Variants in PEX7 observed in about 807,000 individuals in gnomAD.
PEX7 encodes the protein peroxisomal biogenesis factor 7, also known as PTS2 receptor.
In PEX7, 34 loss-of-function variants were observed where a neutral mutation model predicts 47.5. The observed-to-expected ratio is 0.72, with a 90% CI of 0.54 to 0.95. PEX7 has a LOEUF of 0.95. PEX7 is among the 40% of genes least tolerant of loss of function. The pLI is 0.00. For synonymous variants in PEX7, 141 were observed against 148.8 expected, an observed-to-expected ratio of 0.95 and a Z score of 0.38; for missense variants, 394 against 400.3, an observed-to-expected ratio of 0.98 and a Z score of 0.13.
At chr6:136,824,404 C>T (rs974302714) in intron 1 of PEX7, among the ~76,000 whole-genome samples, 1 of 152,136 alleles carries the variant, frequency 6.6e-6, no homozygotes, top group Non-Finnish European at 1.5e-5. Context: ...CAGGGTATCA[C>T]TATGTTGCCC....
rs145240980 is a variant in PEX7 at position 136,823,394 on chromosome 6, C to T, written c.130+599C>T. The T allele has an allele frequency of 1.3e-4, 130 of 975,910 alleles. No homozygotes were observed. In the African/African-American group the frequency reaches 1.7e-3, roughly 13 times the overall value. The allele number at this position is 975,910 out of a possible 1,614,324, so 60.5% of individuals were successfully genotyped here. On this transcript the variant is annotated intron_variant, in intron 1 of 9. Transcript: ENST00000318471. The stretch of plus-strand genomic sequence containing the variant: ...CACATTCGCAAGTAGGTGTTACAGA[C>T]TCCAGTTAATTGTCTCCCGTCGCGC...
chr6:136,878,476 T>C (rs1775317727), intron 8 of PEX7, among the ~76,000 whole-genome samples: 1 of 152,184 alleles, frequency 6.6e-6, no homozygotes, highest in Non-Finnish European at 1.5e-5. Context: ...TGAGATACTC[T>C]CCTTCAATAC....
chr6:136,873,763 A>T lies in PEX7; in HGVS notation c.803+1510A>T, dbSNP rs530678727. On this transcript the variant is annotated intron_variant, in intron 8 of 9. Transcript: ENST00000318471. ...AGATTCTGACTTTAATGCAAATTAT[A>T]TATGTTTACTTGTTTGTCATACTAA... Among the ~76,000 whole-genome samples the T allele has an allele frequency of 2.6e-4, 39 of 152,284 alleles. 1 individual carries two copies. The Middle Eastern group carries it at 0.01, about 40-fold the overall frequency.
chr6:136,843,088 G>A (rs185525308), intron 3 of PEX7, among the ~76,000 whole-genome samples: 1 of 152,258 alleles, frequency 6.6e-6, no homozygotes, highest in African/African-American at 2.4e-5. Flanking sequence ...ATTCAACAGT[G>A]CCCTCAAGTA....
intron 5 of PEX7, among the ~76,000 whole-genome samples, chr6:136,853,336 T>A (rs1774794542): frequency 6.6e-6 from 1 of 152,180 alleles, no homozygotes; most frequent in Non-Finnish European, 1.5e-5. Context: ...AAGTGGAAAC[T>A]CTTTTGTGCA....
intron 8 of PEX7, among the ~76,000 whole-genome samples, chr6:136,882,548 A>AAATAAT (rs35368484): frequency 0.02 from 2,973 of 150,312 alleles, 37 homozygotes; most frequent in Non-Finnish European, 0.032. Flanking sequence ...CTTACCTTTA[A>AAATAAT]AATAATAATA....
intron 5 of PEX7, among the ~76,000 whole-genome samples, chr6:136,864,812 T>C (rs1205064241): frequency 6.6e-6 from 1 of 152,186 alleles, no homozygotes; most frequent in Non-Finnish European, 1.5e-5. Flanking sequence ...ATGTTGGGCA[T>C]TCTGTGTCTC....
chr6:136,876,124 G>A (rs530086450), intron 8 of PEX7, among the ~76,000 whole-genome samples: 4 of 151,508 alleles, frequency 2.6e-5, no homozygotes, highest in South Asian at 4.2e-4. Context: ...TGCAAGCTCC[G>A]CCTCCTGGGT....
chr6:136,892,061 A>G (rs776936876), intron 8 of PEX7, among the ~76,000 whole-genome samples: 1 of 152,210 alleles, frequency 6.6e-6, no homozygotes, highest in Admixed American at 6.5e-5. Flanking sequence ...TGAGTGATAC[A>G]TAAGTTAGAA....
chr6:136,904,429 A>G (rs1358666788), intron 9 of PEX7, among the ~76,000 whole-genome samples: 1 of 152,126 alleles, frequency 6.6e-6, no homozygotes, highest in African/African-American at 2.4e-5. Context: ...TCTGCACTAC[A>G]TAGACACCCT....
At chr6:136,882,458 G>C (rs1223936953) in intron 8 of PEX7, among the ~76,000 whole-genome samples, 1 of 151,948 alleles carries the variant, frequency 6.6e-6, no homozygotes, top group Non-Finnish European at 1.5e-5. Flanking sequence ...GATTATAGGC[G>C]TGAGCCCCCG....
In PEX7 at chr6:136,822,719, C is replaced by T. The variant is rs1188167149; in HGVS notation, c.54C>T (p.His18=). The T allele has an allele frequency of 6.6e-7, 1 of 1,514,786 alleles. No homozygotes were observed. Among genetic ancestry groups the T allele is most frequent in the Non-Finnish European group, 8.8e-7 (1 of 1,138,318 alleles). 93.8% of individuals were successfully genotyped at this position (1,514,786 alleles called of 1,614,324 possible). A position where few individuals can be genotyped will look rare whatever the true frequency, so the allele number is the denominator to read the frequency against. ...GGATGCTGCGGACGCCGGGACGCCA[C>T]GGCTACGCCGCCGAGTTCTCCCCGT... The part of the protein sequence containing the change: ...AARMLRTPGR[H]GYAAEFSPYL... The change falls in exon 1 of 10, where the codon CAC becomes CAT. Residue 18 remains histidine (H), a synonymous_variant. Transcript: ENST00000318471.
intron 5 of PEX7, among the ~76,000 whole-genome samples, chr6:136,862,417 C>T (rs1394599506): frequency 6.6e-6 from 1 of 151,672 alleles, no homozygotes; most frequent in Non-Finnish European, 1.5e-5. Flanking sequence ...GTTCTGTCAC[C>T]CAGGGTGGAG....
intron 3 of PEX7, among the ~76,000 whole-genome samples, chr6:136,839,980 T>A (rs1368212077): frequency 6.6e-6 from 1 of 152,048 alleles, no homozygotes; most frequent in Non-Finnish European, 1.5e-5. Flanking sequence ...GAGGGCATCC[T>A]TTGGTCTAAA....
intron 3 of PEX7, among the ~76,000 whole-genome samples, 154 bp from the exon 4 acceptor site, chr6:136,845,461 T>A (rs1174931754): frequency 6.6e-6 from 1 of 152,244 alleles, no homozygotes; most frequent in Non-Finnish European, 1.5e-5. Context: ...CAACTTTTCA[T>A]TTCTCAGACA....
Position 136,822,630 on chromosome 6 carries a change from C to CGGCCGGGGCAGCGAG in PEX7, c.-27_-13dup. On this transcript the variant is annotated 5_prime_UTR_variant, in exon 1 of 10. Coordinates refer to ENST00000318471, the MANE Select transcript of PEX7 (RefSeq NM_000288.4). Reference sequence around the variant, plus strand: ...TGCCTCCGACTCGGAACGGCTTCCGCGGCCGGGGCAGCGAGGGCCGGGGGC... The same window carrying CGGCCGGGGCAGCGAG: ...TGCCTCCGACTCGGAACGGCTTCCGCGGCCGGGGCAGCGAGGGCCGGGGCAGCGAGGGCCGGGGGC... 1 of 1,516,574 alleles carries CGGCCGGGGCAGCGAG rather than the reference C, an allele frequency of 6.6e-7. No homozygotes were observed. Among genetic ancestry groups the CGGCCGGGGCAGCGAG allele is most frequent in the Non-Finnish European group, 8.8e-7 (1 of 1,134,038 alleles). 93.9% of individuals were successfully genotyped at this position (1,516,574 alleles called of 1,614,324 possible). A position where few individuals can be genotyped will look rare whatever the true frequency, so the allele number is the denominator to read the frequency against.
chr6:136,912,975 C>A (rs1374665980), intron 9 of PEX7, among the ~76,000 whole-genome samples: 3 of 152,202 alleles, frequency 2.0e-5, no homozygotes, highest in African/African-American at 7.2e-5. Flanking sequence ...ACTGTCCCAG[C>A]TGGAATCATA....
intron 8 of PEX7, among the ~76,000 whole-genome samples, chr6:136,896,277 C>T (rs1775649142): frequency 6.6e-6 from 1 of 152,168 alleles, no homozygotes; most frequent in Admixed American, 6.5e-5. Context: ...ATCCATTCTG[C>T]TGAAATAAAA....
intron 3 of PEX7, among the ~76,000 whole-genome samples, chr6:136,832,192 T>C (rs7741718): frequency 0.64 from 96,711 of 152,172 alleles, 30,876 homozygotes; most frequent in African/African-American, 0.7. Context: ...GTCTTCTGTG[T>C]ACCCACAGAC....
Sources: allele counts gnomAD v4.1 joint callset (sites outside exome capture counted in the v4.1 genomes callset), GRCh38; gene constraint gnomAD v4.1.1; transcripts MANE v1.5; gene names NCBI Gene and HGNC (gene_info 2026-07-23, HGNC 2026-07-21).